The following GDPD4 variants were observed in gnomAD, a reference collection of about 807,000 sequenced individuals.
GDPD4 encodes the protein glycerophosphodiester phosphodiesterase domain containing 4.
In GDPD4, 60 loss-of-function variants were observed where a neutral mutation model predicts 67.8. That is an observed-to-expected ratio of 0.88 (90% CI 0.72 to 1.10). The LOEUF (loss-of-function observed/expected upper bound fraction) is 1.10. GDPD4 is among the 50% of genes least tolerant of loss of function. The pLI, the probability that GDPD4 is intolerant of heterozygous loss-of-function variation, is 0.00. For synonymous variants in GDPD4, 212 were observed against 210.9 expected (o/e 1.00, Z -0.04); for missense variants, 623 against 613.9 (o/e 1.01, Z -0.16).
intron 11 of GDPD4, among the ~76,000 whole-genome samples, chr11:77,247,489 C>T (rs934835406): frequency 3.3e-5 from 5 of 152,162 alleles, no homozygotes; most frequent in Non-Finnish European, 7.3e-5. Context: ...AGCTGAAGTA[C>T]ATTGTGCCTC....
In GDPD4 at chr11:77,272,447, A is replaced by C. The variant is rs187404573; in HGVS notation, c.208-1054T>G. ...ACACCAAACTTCACTATGGATTTAA[A>C]GGATACAGGCAATCATAGAGAACAG... On this transcript the variant is annotated intron_variant, in intron 5 of 16. Transcript: ENST00000315938. Among the ~76,000 whole-genome samples the C allele has an allele frequency of 2.8e-4, 43 of 152,340 alleles. 1 individual carries two copies. The highest frequency in any genetic ancestry group is 9.1e-4 in the African/African-American group (38 of 41,592).
intron 10 of GDPD4, among the ~76,000 whole-genome samples, chr11:77,267,297 C>T (rs1959182672): frequency 6.6e-6 from 1 of 152,166 alleles, no homozygotes; most frequent in South Asian, 2.1e-4. Context: ...ATGATATTCA[C>T]ACAGTGATAA....
intron 13 of GDPD4, among the ~76,000 whole-genome samples, chr11:77,235,888 T>A (rs1214394953): frequency 6.6e-6 from 1 of 150,888 alleles, no homozygotes; most frequent in African/African-American, 2.4e-5. Flanking sequence ...CCTAGTAGTT[T>A]GAGACTACAG....
intron 13 of GDPD4, among the ~76,000 whole-genome samples, chr11:77,241,022 T>C (rs906941898): frequency 6.6e-6 from 1 of 152,140 alleles, no homozygotes. Context: ...TGGAGGTTCC[T>C]CAAAAAACTA....
intron 5 of GDPD4, 105 bp from the exon 6 acceptor site, chr11:77,271,498 G>T: frequency 1.5e-6 from 1 of 675,392 alleles, no homozygotes. Context: ...GACCTTATCT[G>T]CTTCCTCATT....
rs71272229 is a variant in GDPD4 at position 77,283,851 on chromosome 11, AT to A, written c.53+1233del. On this transcript the variant is annotated intron_variant, in intron 3 of 16. Coordinates refer to ENST00000315938, the MANE Select transcript of GDPD4 (RefSeq NM_182833.3). ...AGTACTTTGGCAACAGACATAATGA[AT>A]TTTTTTTTTTTTTTTTTTTTTGAGT... Among the ~76,000 whole-genome samples the A allele has an allele frequency of 3.9e-3, 484 of 124,536 alleles. 2 individuals are homozygous for A. The highest frequency in any genetic ancestry group is 8.1e-3 in the Admixed American group (96 of 11,900). The allele number at this position is 124,536 out of a possible 152,430, so 81.7% of individuals were successfully genotyped here.
intron 13 of GDPD4, among the ~76,000 whole-genome samples, chr11:77,236,804 G>A (rs1958578407): frequency 6.6e-6 from 1 of 152,082 alleles, no homozygotes. Context: ...GTATATATTG[G>A]TAACTGACAG....
chr11:77,250,133 C>T (rs112311364), intron 11 of GDPD4, among the ~76,000 whole-genome samples: 2 of 151,742 alleles, frequency 1.3e-5, no homozygotes, highest in East Asian at 1.9e-4. Context: ...GTACATGTGC[C>T]GGTTTGTTAC....
intron 3 of GDPD4, among the ~76,000 whole-genome samples, chr11:77,283,419 C>A (rs1414707165): frequency 1.3e-5 from 2 of 152,094 alleles, no homozygotes; most frequent in Non-Finnish European, 2.9e-5. Context: ...TGATACCACT[C>A]AAGGGATGGG....
In GDPD4 at chr11:77,217,283, A is replaced by T. The variant is rs1328504377; in HGVS notation, c.1557T>A (p.Asp519Glu). ...TATGTGCAAATCTATCTATCTATCT[A>T]TCTTCCTCATTCTTACTTCCACTCT... is the stretch of plus-strand genomic sequence containing the variant. ...DTQSGSKNEE[D>E]R Residue 519 changes from aspartate to glutamate, a missense_variant, in exon 17 of 17, where the codon GAT becomes GAA. Asp to Glu is a conservative substitution (Grantham distance 45). Transcript: ENST00000315938. 4 of 1,606,662 alleles carry T rather than the reference A, an allele frequency of 2.5e-6. No homozygotes were observed. The highest frequency in any genetic ancestry group is 2.6e-6 in the Non-Finnish European group (3 of 1,173,230).
At chr11:77,301,432 C>T (rs1938156022) in intron 1 of GDPD4, among the ~76,000 whole-genome samples, 173 bp downstream of exon 1, 2 of 152,174 alleles carry the variant, frequency 1.3e-5, no homozygotes, top group African/African-American at 4.8e-5. Context: ...CTGTCAGATA[C>T]TGAACAGGAG....
intron 1 of GDPD4, among the ~76,000 whole-genome samples, chr11:77,299,456 T>C (rs1452832604): frequency 6.6e-6 from 1 of 152,216 alleles, no homozygotes. Flanking sequence ...TAAAACATTA[T>C]ATAATGTATT....
At chr11:77,240,369 C>A (rs1293219483) in intron 13 of GDPD4, among the ~76,000 whole-genome samples, 2 of 152,020 alleles carry the variant, frequency 1.3e-5, no homozygotes, top group African/African-American at 4.8e-5. Context: ...ACAAAGATGC[C>A]AAGAACATAC....
intron 11 of GDPD4, among the ~76,000 whole-genome samples, chr11:77,249,268 A>AT (rs1401333084): frequency 6.6e-6 from 1 of 151,244 alleles, no homozygotes; most frequent in Non-Finnish European, 1.5e-5. Context: ...CCATCTCAAA[A>AT]AAAAAAAAAA....
intron 15 of GDPD4, 33 bp downstream of exon 15, chr11:77,229,116 GA>G: frequency 1.9e-6 from 2 of 1,050,684 alleles, no homozygotes; most frequent in African/African-American, 3.3e-5. Flanking sequence ...ATTTATTTTG[GA>G]AAAAATTCAT....
intron 11 of GDPD4, among the ~76,000 whole-genome samples, chr11:77,245,785 G>C (rs1423787370): frequency 6.6e-6 from 1 of 152,098 alleles, no homozygotes; most frequent in African/African-American, 2.4e-5. Context: ...TCTCCCATAA[G>C]TCAAGATAAT....
intron 13 of GDPD4, among the ~76,000 whole-genome samples, chr11:77,241,371 T>TA (rs763238864): frequency 4.6e-5 from 7 of 152,116 alleles, no homozygotes; most frequent in Non-Finnish European, 1.0e-4. Context: ...GTGTGGACTC[T>TA]AAAAAAGTCA....
intron 5 of GDPD4, among the ~76,000 whole-genome samples, chr11:77,273,959 TCAAA>T (rs988662683): frequency 2.6e-5 from 4 of 152,212 alleles, no homozygotes; most frequent in Admixed American, 1.3e-4. Flanking sequence ...ATGCTGCCAC[TCAAA>T]CAGTCTTCCT....
intron 10 of GDPD4, 108 bp downstream of exon 10, chr11:77,268,349 A>T: frequency 1.4e-6 from 1 of 740,232 alleles, no homozygotes; most frequent in Non-Finnish European, 2.4e-6. Flanking sequence ...GAACACAGGA[A>T]CAACTCCCCA....
Sources: allele counts gnomAD v4.1 joint callset (sites outside exome capture counted in the v4.1 genomes callset), GRCh38; gene constraint gnomAD v4.1.1; transcripts MANE v1.5; gene names NCBI Gene and HGNC (gene_info 2026-07-23, HGNC 2026-07-21).